CCR3: variants seen among roughly 807,000 people sequenced by gnomAD.
CCR3 encodes the protein C-C chemokine receptor type 3.
For synonymous variants in CCR3, 203 were observed against 179.2 expected (o/e 1.13, Z -1.06); for missense variants, 419 against 437.5 (o/e 0.96, Z 0.38).
Position 46,265,702 on chromosome 3 carries a change from C to A in CCR3, c.544C>A (p.Leu182Ile). The A allele has an allele frequency of 6.2e-7, 1 of 1,614,056 alleles. No homozygotes were observed. Among genetic ancestry groups the A allele is most frequent in the Non-Finnish European group, 8.5e-7 (1 of 1,180,004 alleles). Residue 182 changes from leucine (L) to isoleucine (I), a missense_variant, in exon 2 of 2, where the codon CTT becomes ATT. By Grantham distance (5) the Leu-to-Ile change is conservative (BLOSUM62 2). Transcript: ENST00000395940. ...YETEELFEET[L>I]CSALYPEDTV... is the part of the protein sequence containing the mutation. ...GACTGAAGAGTTGTTTGAAGAGACT[C>A]TTTGCAGTGCTCTTTACCCAGAGGA...
chr3:46,233,067 G>A (rs981353066), intron 2 of CCR3, among the ~76,000 whole-genome samples: 2 of 152,210 alleles, frequency 1.3e-5, no homozygotes, highest in Non-Finnish European at 2.9e-5. Flanking sequence ...TCCTGACCTC[G>A]TGATCCACGT....
rs761492821 is a variant in CCR3, at chr3:46,265,876, C to T, written c.718C>T (p.Leu240Phe). ...TAAAAAAAAGTACAAGGCCATCCGG[C>T]TCATTTTTGTCATCATGGCGGTGTT... ...PSKKKYKAIR[L>F]IFVIMAVFFI... is the part of the protein sequence containing the mutation. The change falls in exon 2 of 2, where the codon CTC becomes TTC. Residue 240 changes from leucine to phenylalanine, a missense_variant. Physicochemically the swap from Leu to Phe is conservative, Grantham distance 22. Coordinates refer to ENST00000395940, the MANE Select transcript of CCR3 (RefSeq NM_178329.3). 6.2e-7 allele frequency: 1 copy of T among 1,614,162 alleles called. No homozygotes were observed. The highest frequency in any genetic ancestry group is 2.2e-5 in the East Asian group (1 of 44,878).
intron 1 of CCR3, among the ~76,000 whole-genome samples, chr3:46,244,878 AGT>A (rs1700162128): frequency 6.6e-6 from 1 of 152,194 alleles, no homozygotes; most frequent in African/African-American, 2.4e-5. Flanking sequence ...TCCATAGCAC[AGT>A]TGGAGGTGGA....
chr3:46,247,826 G>A (rs979933384), intron 1 of CCR3, among the ~76,000 whole-genome samples: 2 of 152,104 alleles, frequency 1.3e-5, no homozygotes, highest in African/African-American at 4.8e-5. Flanking sequence ...CTGGGCAGGG[G>A]CAAATCCTCG....
At chr3:46,251,142 A>G (rs2125930800) in intron 1 of CCR3, among the ~76,000 whole-genome samples, 1 of 152,126 alleles carries the variant, frequency 6.6e-6, no homozygotes, top group Non-Finnish European at 1.5e-5. Context: ...TTCCCAGAAA[A>G]GTGGGACTTG....
intron 2 of CCR3, among the ~76,000 whole-genome samples, chr3:46,230,648 G>A (rs981133663): frequency 6.6e-6 from 1 of 152,000 alleles, no homozygotes; most frequent in Non-Finnish European, 1.5e-5. Flanking sequence ...AACAAGACAG[G>A]GTACCTAAAG....
At chr3:46,229,230 A>G (rs1386341004) in intron 2 of CCR3, among the ~76,000 whole-genome samples, 3 of 152,152 alleles carry the variant, frequency 2.0e-5, no homozygotes, top group Non-Finnish European at 4.4e-5. Flanking sequence ...GCAGTTGTAT[A>G]TGTTGTGATC....
At chr3:46,215,982 G>A (rs982455322) in intron 2 of CCR3, among the ~76,000 whole-genome samples, 1 of 152,194 alleles carries the variant, frequency 6.6e-6, no homozygotes, top group African/African-American at 2.4e-5. Context: ...CTTCAGATCT[G>A]GTTCCAGCAC....
intron 2 of CCR3, among the ~76,000 whole-genome samples, chr3:46,235,338 G>A (rs1006728608): frequency 6.6e-6 from 1 of 152,172 alleles, no homozygotes; most frequent in Non-Finnish European, 1.5e-5. Context: ...AAAGGGAGGT[G>A]AGTACCAAGG....
chr3:46,233,716 A>G (rs929269947), intron 2 of CCR3, among the ~76,000 whole-genome samples: 3 of 152,198 alleles, frequency 2.0e-5, no homozygotes, highest in African/African-American at 4.8e-5. Context: ...CCAGGACAGA[A>G]CGAGCCATTC....
intron 1 of CCR3, among the ~76,000 whole-genome samples, chr3:46,259,831 T>C (rs1272981570): frequency 6.6e-6 from 1 of 152,204 alleles, no homozygotes; most frequent in Non-Finnish European, 1.5e-5. Flanking sequence ...TACTTAGGTA[T>C]CCATTTAGCC....
At chr3:46,246,323 A>G (rs957921655) in intron 1 of CCR3, among the ~76,000 whole-genome samples, 1 of 152,224 alleles carries the variant, frequency 6.6e-6, no homozygotes. Flanking sequence ...TGTGTGAGCA[A>G]CATGGCTGTT....
chr3:46,222,526 C>T (rs1347576811), intron 2 of CCR3, among the ~76,000 whole-genome samples: 1 of 152,168 alleles, frequency 6.6e-6, no homozygotes, highest in Non-Finnish European at 1.5e-5. Flanking sequence ...CTTAATCTTT[C>T]AGGGCCCCAC....
chr3:46,242,982 C>CACACATAT (rs146505046), intron 1 of CCR3, among the ~76,000 whole-genome samples: 1 of 99,322 alleles, frequency 1.0e-5, no homozygotes, highest in African/African-American at 4.6e-5. Context: ...TATATATACA[C>CACACATAT]ATATATATAT....
intron 2 of CCR3, among the ~76,000 whole-genome samples, chr3:46,218,510 G>A (rs113907530): frequency 0.01 from 1,559 of 151,962 alleles, 32 homozygotes; most frequent in African/African-American, 0.036. Context: ...CCAAAACCAG[G>A]AAATGACGTA....
Position 46,260,263 on chromosome 3 carries a change from C to T in CCR3, c.-11-4885C>T, listed in dbSNP as rs188309609. Among the ~76,000 whole-genome samples, 166 of 152,258 alleles carry T rather than the reference C, an allele frequency of 1.1e-3. 1 individual carries two copies. The highest frequency in any genetic ancestry group is 6.1e-3 in the Admixed American group (94 of 15,294). On this transcript the variant is annotated intron_variant, in intron 1 of 1. Coordinates refer to ENST00000395940, the MANE Select transcript of CCR3 (RefSeq NM_178329.3). The stretch of plus-strand genomic sequence containing the variant: ...CCAAACCATGTCATTCTACCCCGGC[C>T]CCTCCCAAATCTCATGTCCTCACAT...
intron 1 of CCR3, among the ~76,000 whole-genome samples, chr3:46,262,405 A>G (rs1347102825): frequency 1.3e-5 from 2 of 152,338 alleles, no homozygotes; most frequent in East Asian, 3.9e-4. Context: ...ATATCTGCAC[A>G]GAGATATGTT....
At chr3:46,237,848 T>A (rs1700039733), upstream of CCR3, among the ~76,000 whole-genome samples, 1 of 152,248 alleles carries the variant, frequency 6.6e-6, no homozygotes, top group South Asian at 2.1e-4. Context: ...CATTTTAAGA[T>A]CATTTGTTAT....
intron 1 of CCR3, among the ~76,000 whole-genome samples, chr3:46,248,897 G>A (rs1310079986): frequency 6.6e-6 from 1 of 152,192 alleles, no homozygotes; most frequent in East Asian, 1.9e-4. Flanking sequence ...GGTTGATAAG[G>A]TGCAGATTCT....
Sources: allele counts gnomAD v4.1 joint callset (sites outside exome capture counted in the v4.1 genomes callset), GRCh38; gene constraint gnomAD v4.1.1; transcripts MANE v1.5; gene names NCBI Gene and HGNC (gene_info 2026-07-23, HGNC 2026-07-21).